The following SLC14A2 variants were observed in gnomAD, a reference collection of about 807,000 sequenced individuals.
The protein encoded by SLC14A2 is urea transporter 2.
SLC14A2 carries 91 observed loss-of-function variants against 104.6 expected under a neutral mutation model. That is an observed-to-expected ratio of 0.87 (90% CI 0.73 to 1.04). The LOEUF is 1.04. Among genes scored for constraint, SLC14A2 ranks in the 50% least tolerant of loss-of-function variants. The probability of loss-of-function intolerance (pLI) is 0.00; values close to 1 mark genes in which losing one functional copy is unlikely to be tolerated. For synonymous variants in SLC14A2, 476 were observed against 466.4 expected (o/e 1.02, Z -0.27); for missense variants, 1,189 against 1,156.0 (o/e 1.03, Z -0.41).
At chr18:45,568,399 G>A (rs2044297770) in intron 2 of SLC14A2, among the ~76,000 whole-genome samples, 1 of 152,232 alleles carries the variant, frequency 6.6e-6, no homozygotes, top group Non-Finnish European at 1.5e-5. Context: ...GCCTTCAGGG[G>A]ACGTGCTGTC....
chr18:45,348,744 C>A (rs1347755317), intron 1 of SLC14A2, among the ~76,000 whole-genome samples: 1 of 152,094 alleles, frequency 6.6e-6, no homozygotes, highest in Non-Finnish European at 1.5e-5. Flanking sequence ...GAAACTGAGC[C>A]CCAGAGAACT....
At chr18:45,408,964 T>C (rs1189370407) in intron 1 of SLC14A2, among the ~76,000 whole-genome samples, 1 of 152,190 alleles carries the variant, frequency 6.6e-6, no homozygotes. Context: ...TAACCAATGC[T>C]CTGAGCCTGT....
At chr18:45,197,380 G>A in the SLC14A2 span, among the ~76,000 whole-genome samples, 1 of 152,120 alleles carries the variant, frequency 6.6e-6, no homozygotes, top group Non-Finnish European at 1.5e-5. Flanking sequence ...AGGAAAAAGT[G>A]TGACCCAGTA....
chr18:45,254,753 C>T (rs2084458939), intron 1 of SLC14A2, among the ~76,000 whole-genome samples: 1 of 152,106 alleles, frequency 6.6e-6, no homozygotes, highest in Non-Finnish European at 1.5e-5. Context: ...AAGCCATCCT[C>T]AGGGGCCTGA....
chr18:45,207,139 G>A, the SLC14A2 span, among the ~76,000 whole-genome samples: 1 of 152,116 alleles, frequency 6.6e-6, no homozygotes, highest in Non-Finnish European at 1.5e-5. Context: ...AAAAAATGGT[G>A]AGGCTTTGCA....
intron 1 of SLC14A2, among the ~76,000 whole-genome samples, chr18:45,291,354 G>A (rs1044980962): frequency 2.6e-5 from 4 of 152,052 alleles, no homozygotes; most frequent in Non-Finnish European, 5.9e-5. Flanking sequence ...TAATAATGAG[G>A]AATGATGAGT....
At chr18:45,480,019 G>A (rs2087462269) in intron 1 of SLC14A2, among the ~76,000 whole-genome samples, 2 of 152,154 alleles carry the variant, frequency 1.3e-5, no homozygotes, top group Non-Finnish European at 2.9e-5. Flanking sequence ...TCAGTAAGTA[G>A]GGCTAGCAGA....
At chr18:45,248,527 A>T (rs1338826385) in intron 1 of SLC14A2, among the ~76,000 whole-genome samples, 1 of 151,912 alleles carries the variant, frequency 6.6e-6, no homozygotes, top group Non-Finnish European at 1.5e-5. Flanking sequence ...GGGACTAAAA[A>T]AGTTGGTTGA....
At chr18:45,678,732 C>T (rs1236344162) in intron 18 of SLC14A2, among the ~76,000 whole-genome samples, 1 of 152,186 alleles carries the variant, frequency 6.6e-6, no homozygotes, top group Non-Finnish European at 1.5e-5. Flanking sequence ...CCCAAGAGAA[C>T]CATAACAGCT....
rs995294624 is a variant in SLC14A2, at chr18:45,681,701, A to G, written c.2563-618A>G. 1.1e-4 allele frequency among the ~76,000 whole-genome samples: 16 copies of G among 152,264 alleles called. No homozygotes were observed. In the South Asian group the frequency reaches 3.1e-3, roughly 30 times the overall value. On this transcript the variant is annotated intron_variant, in intron 19 of 19. Transcript: ENST00000255226. ...CTCTCTGACGGGTTACTTCTACTGC[A>G]CACATCCCCCAATGGCCACCCATCC...
At chr18:45,346,526 G>A (rs1405330695) in intron 1 of SLC14A2, among the ~76,000 whole-genome samples, 1 of 152,158 alleles carries the variant, frequency 6.6e-6, no homozygotes, top group African/African-American at 2.4e-5. Context: ...ATCCTTTGTT[G>A]TTATGAGATG....
chr18:45,632,437 C>A lies in SLC14A2; in HGVS notation c.609C>A (p.Tyr203Ter), dbSNP rs996807928. 3 of 1,614,026 alleles carry A rather than the reference C, an allele frequency of 1.9e-6. No individual in the cohort carries two copies. Among genetic ancestry groups the A allele is most frequent in the Non-Finnish European group, 8.5e-7 (1 of 1,179,996 alleles). ...MAVFSEKLDY[Y>*]WWLLFPVTFT... is the part of the protein sequence containing the mutation. ...TGTTCTCGGAGAAGTTAGACTACTA[C>A]TGGTGGCTTCTGTTTCCTGTGACCT... The change falls in exon 5 of 20, where the codon TAC becomes TAA. Residue 203 changes from tyrosine (Y) to a stop codon, truncating the protein, a stop_gained. Transcript: ENST00000255226. LOFTEE classifies it high-confidence loss of function.
At chr18:45,549,842 T>C (rs1166826645) in intron 2 of SLC14A2, among the ~76,000 whole-genome samples, 1 of 152,216 alleles carries the variant, frequency 6.6e-6, no homozygotes, top group Non-Finnish European at 1.5e-5. Context: ...TAGATGGCTC[T>C]AGTGTTATTT....
chr18:45,185,094 G>A, the SLC14A2 span, among the ~76,000 whole-genome samples: 1 of 152,130 alleles, frequency 6.6e-6, no homozygotes, highest in Non-Finnish European at 1.5e-5. Context: ...TCCCTAGCTG[G>A]CCTCTGCTTT....
rs531751358 is a variant in SLC14A2 at position 45,258,648 on chromosome 18, A to T, written c.-125+45457A>T. ...AAATTATATTGATCAATTGATTTGG[A>T]TGACCATTTTAATAATCATCCTTTT... On this transcript the variant is annotated intron_variant, in intron 1 of 20. Transcript: ENST00000586448. 1.4e-5 allele frequency among the ~76,000 whole-genome samples: 2 copies of T among 143,266 alleles called. 1 individual carries two copies. Among genetic ancestry groups the T allele is most frequent in the African/African-American group, 5.5e-5 (2 of 36,534 alleles). The allele number at this position is 143,266 out of a possible 152,430, so 94.0% of individuals were successfully genotyped here.
the SLC14A2 span, chr18:45,168,535 A>C: frequency 6.6e-6 from 1 of 152,236 alleles, no homozygotes; most frequent in African/African-American, 2.4e-5. Flanking sequence ...GAGGCATATA[A>C]GCAGCACTCA....
At chr18:45,476,344 G>C (rs528090606) in intron 1 of SLC14A2, among the ~76,000 whole-genome samples, 1 of 152,192 alleles carries the variant, frequency 6.6e-6, no homozygotes, top group Non-Finnish European at 1.5e-5. Flanking sequence ...TCTGCAGAGA[G>C]ATCTGCTGTT....
intron 1 of SLC14A2, among the ~76,000 whole-genome samples, chr18:45,243,513 A>G (rs1420974210): frequency 6.6e-6 from 1 of 152,194 alleles, no homozygotes; most frequent in Non-Finnish European, 1.5e-5. Context: ...AAATGGGGAA[A>G]CTAGGGTTAC....
At chr18:45,513,081 C>T (rs140185707) in intron 2 of SLC14A2, among the ~76,000 whole-genome samples, 1 of 152,178 alleles carries the variant, frequency 6.6e-6, no homozygotes, top group African/African-American at 2.4e-5. Context: ...GCACCACAGC[C>T]TCAGTGAAGC....
Sources: allele counts gnomAD v4.1 joint callset (sites outside exome capture counted in the v4.1 genomes callset), GRCh38; gene constraint gnomAD v4.1.1; transcripts MANE v1.5; gene names NCBI Gene and HGNC (gene_info 2026-07-23, HGNC 2026-07-21).